CRNKL1: variants seen among roughly 807,000 people sequenced by gnomAD.
CRNKL1 encodes the protein crooked neck-like protein 1.
CRNKL1 carries 35 observed loss-of-function variants against 103.7 expected under a neutral mutation model. That is an observed-to-expected ratio of 0.34 (90% CI 0.26 to 0.45). CRNKL1 has a LOEUF of 0.45. Ranked by LOEUF, CRNKL1 falls within the 20% of genes least tolerant of loss-of-function variation. CRNKL1 has a pLI of 1.00. For synonymous variants in CRNKL1, 267 were observed against 282.6 expected (o/e 0.94, Z 0.55); for missense variants, 645 against 836.0 (o/e 0.77, Z 2.82).
chr20:20,043,637 T>C lies in CRNKL1; in HGVS notation c.827A>G (p.Lys276Arg), dbSNP rs771014347. The change falls in exon 7 of 14, where the codon AAG becomes AGG. Residue 276 changes from lysine to arginine, a missense_variant. Lys to Arg is a conservative substitution (Grantham distance 26). Transcript: ENST00000536226. The stretch of plus-strand genomic sequence containing the variant: ...TTTTGAAATTCTGTCCAGGGCATAC[T>C]TGTAAATCACTCGTACCCTTTCAAA... ...KEFERVRVIY[K>R]YALDRISKQD... 2 of 1,614,010 alleles carry C rather than the reference T, an allele frequency of 1.2e-6. No homozygotes were observed. The highest frequency in any genetic ancestry group is 1.1e-5 in the South Asian group (1 of 91,070).
At chr20:20,046,142 G>A (rs2043591426) in intron 5 of CRNKL1, among the ~76,000 whole-genome samples, 1 of 152,058 alleles carries the variant, frequency 6.6e-6, no homozygotes, top group Non-Finnish European at 1.5e-5. Context: ...TGGCAAAGAA[G>A]AGCATCAGTT....
upstream of CRNKL1, chr20:20,052,816 GGC>G: frequency 7.9e-7 from 1 of 1,272,884 alleles, no homozygotes; most frequent in South Asian, 1.5e-5. Flanking sequence ...CATGCGACGG[GGC>G]GAGCTGCCGC....
chr20:20,043,792 G>T, intron 6 of CRNKL1, 130 bp from the exon 7 acceptor site: 1 of 793,694 alleles, frequency 1.3e-6, no homozygotes. Flanking sequence ...AGAGTAAGAT[G>T]CTTTTCTCCC....
chr20:20,045,113 T>C (rs919173240), intron 6 of CRNKL1, among the ~76,000 whole-genome samples, 195 bp downstream of exon 6: 2 of 152,304 alleles, frequency 1.3e-5, no homozygotes, highest in Admixed American at 6.5e-5. Context: ...ACAGTTATAA[T>C]ACAATCTATA....
At position 20,046,508 on chromosome 20, in the gene CRNKL1, T is replaced by C. The variant is rs112334954; in HGVS notation, c.623-1022A>G. ...TGGTAGTTATGTTCTATTTAGTCAA[T>C]GCGAACACTTAATTATTGAGTACTG... On this transcript the variant is annotated intron_variant, in intron 5 of 13. Coordinates refer to ENST00000536226, the MANE Select transcript of CRNKL1 (RefSeq NM_001278628.2). Among the ~76,000 whole-genome samples, 101 of 152,354 alleles carry C rather than the reference T, an allele frequency of 6.6e-4. 1 individual carries two copies. The highest frequency in any genetic ancestry group is 2.4e-3 in the African/African-American group (100 of 41,578).
upstream of CRNKL1, chr20:20,052,630 T>TGCGGTGCAG: frequency 6.2e-7 from 1 of 1,613,626 alleles, no homozygotes; most frequent in Non-Finnish European, 8.5e-7. Context: ...ACGCAAGGAC[T>TGCGGTGCAG]GCGGTGCAGG....
intron 11 of CRNKL1, among the ~76,000 whole-genome samples, chr20:20,038,825 C>T (rs908875257): frequency 1.3e-5 from 2 of 152,194 alleles, no homozygotes; most frequent in African/African-American, 4.8e-5. Flanking sequence ...CATGTTCTTA[C>T]CTCTACTGTA....
rs760714216 is a variant in CRNKL1 at position 20,050,592 on chromosome 20, T to C, written c.82A>G (p.Ile28Val). 1.9e-6 allele frequency: 3 copies of C among 1,612,280 alleles called. No homozygotes were observed. The highest frequency in any genetic ancestry group is 2.2e-5 in the East Asian group (1 of 44,848). ...VKNKAPAEVQ[I>V]TAEQLLREAK... ...TCTCTTAAGAGTTGTTCAGCAGTTA[T>C]CTGTACCTCAGCCGGGGCTTTGTTT... Residue 28 changes from isoleucine to valine, a missense_variant, in exon 2 of 14, where the codon ATA (isoleucine) becomes GTA (valine). Physicochemically the swap from Ile to Val is conservative, Grantham distance 29. Transcript: ENST00000536226.
At position 20,035,171 on chromosome 20, in the gene CRNKL1, T is replaced by G. The variant is rs565376063; in HGVS notation, c.*1024A>C. The G allele has an allele frequency of 6.6e-6, 1 of 152,284 alleles. No individual in the cohort carries two copies. Among genetic ancestry groups the G allele is most frequent in the East Asian group, 1.9e-4 (1 of 5,186 alleles). The allele number at this position is 152,284 out of a possible 1,614,324, so 9.4% of individuals were successfully genotyped here. A position where few individuals can be genotyped will look rare whatever the true frequency, so the allele number is the denominator to read the frequency against. ...AGTTTAACATGTCAGCAGTGAGGAGTAGACATTTTCTACTATAGCACACTG... is the reference window on the plus strand; with the variant it reads ...AGTTTAACATGTCAGCAGTGAGGAGGAGACATTTTCTACTATAGCACACTG... On this transcript the variant is annotated 3_prime_UTR_variant, in exon 14 of 14. Coordinates refer to ENST00000536226, the MANE Select transcript of CRNKL1 (RefSeq NM_001278628.2).
chr20:20,051,854 C>A (rs1014815169), intron 1 of CRNKL1, among the ~76,000 whole-genome samples: 4 of 152,194 alleles, frequency 2.6e-5, no homozygotes, highest in African/African-American at 9.7e-5. Flanking sequence ...GCTTAAAGGT[C>A]ATTTCCTCAG....
At position 20,052,433 on chromosome 20, in the gene CRNKL1, A is replaced by C. The variant is rs778019592; in HGVS notation, c.-91T>G. 6.2e-7 allele frequency: 1 copy of C among 1,614,230 alleles called. No homozygotes were observed. The highest frequency in any genetic ancestry group is 8.5e-7 in the Non-Finnish European group (1 of 1,180,040). On this transcript the variant is annotated 5_prime_UTR_variant, in exon 1 of 14. Transcript: ENST00000536226. ...TCACCGAAACCACAAAGCTTTCAGA[A>C]AACAAACAGGATCTCGGAACCGGAA...
upstream of CRNKL1, chr20:20,056,044 A>G: frequency 6.5e-7 from 1 of 1,534,598 alleles, no homozygotes; most frequent in Non-Finnish European, 9.0e-7. Flanking sequence ...GAGTGTCGGA[A>G]AGGCTGGGTT....
At position 20,041,602 on chromosome 20, in the gene CRNKL1, C is replaced by T. The variant is rs772174120; in HGVS notation, c.1188G>A (p.Val396=). ...EAKDPERTRQ[V]YQASLELIPH... ...GAATTAGTTCCAAAGAGGCTTGATA[C>T]ACCTGTCTTGTCCTCTCAGGATCCT... The change falls in exon 9 of 14, where the codon GTG becomes GTA. Residue 396 remains valine, a synonymous_variant. Transcript: ENST00000536226. The T allele has an allele frequency of 1.9e-6, 3 of 1,613,454 alleles. No homozygotes were observed. Among genetic ancestry groups the T allele is most frequent in the Admixed American group, 1.7e-5 (1 of 60,006 alleles).
chr20:20,045,890 T>C (rs2043586298), intron 5 of CRNKL1, among the ~76,000 whole-genome samples: 2 of 152,178 alleles, frequency 1.3e-5, no homozygotes, highest in African/African-American at 2.4e-5. Context: ...AAAATGTATG[T>C]AAAGCCCTTA....
rs780089925 is a variant in CRNKL1 at position 20,034,761 on chromosome 20, T to TCAA, written c.*1431_*1433dup. On this transcript the variant is annotated 3_prime_UTR_variant, in exon 14 of 14. Coordinates refer to ENST00000536226, the MANE Select transcript of CRNKL1 (RefSeq NM_001278628.2). ...AGTCAGGCTGAAAACAGATTTTATC[T>TCAA]CAACAACAGTCCTAGTTTCTTCTGT... 4.6e-5 allele frequency: 7 copies of TCAA among 152,242 alleles called. No individual in the cohort carries two copies. Among genetic ancestry groups the TCAA allele is most frequent in the East Asian group, 1.9e-4 (1 of 5,196 alleles). 9.4% of individuals were successfully genotyped at this position (152,242 alleles called of 1,614,324 possible).
At chr20:20,043,000 T>G (rs927495911) in intron 7 of CRNKL1, among the ~76,000 whole-genome samples, 1 of 152,106 alleles carries the variant, frequency 6.6e-6, no homozygotes, top group Non-Finnish European at 1.5e-5. Flanking sequence ...TAAGGAAGAG[T>G]ATTTTTAAAT....
intron 6 of CRNKL1, among the ~76,000 whole-genome samples, chr20:20,044,058 C>T (rs768101598): frequency 1.3e-5 from 2 of 152,088 alleles, no homozygotes; most frequent in African/African-American, 2.4e-5. Context: ...TTTCCTCATA[C>T]TCCATATTCA....
intron 2 of CRNKL1, among the ~76,000 whole-genome samples, chr20:20,050,226 T>C (rs2073123): frequency 0.48 from 72,352 of 152,124 alleles, 17,609 homozygotes; most frequent in East Asian, 0.72. Context: ...AAACTTCCGC[T>C]CACTTTGATT....
In CRNKL1 at chr20:20,043,552, C is replaced by T. The variant is rs150967145; in HGVS notation, c.912G>A (p.Arg304=). ...TCACAATGATATCTTCAATACCCCG[C>T]CTATCACCAAACTTCTTCTCAAAGA... ...YTIFEKKFGD[R]RGIEDIIVSK... Residue 304 remains arginine (R), a synonymous_variant, in exon 7 of 14, where the codon AGG becomes AGA. Coordinates refer to ENST00000536226, the MANE Select transcript of CRNKL1 (RefSeq NM_001278628.2). The T allele has an allele frequency of 8.7e-6, 14 of 1,614,066 alleles. No homozygotes were observed. The highest frequency in any genetic ancestry group is 1.2e-5 in the Non-Finnish European group (14 of 1,179,990).
Sources: allele counts gnomAD v4.1 joint callset (sites outside exome capture counted in the v4.1 genomes callset), GRCh38; gene constraint gnomAD v4.1.1; transcripts MANE v1.5; gene names NCBI Gene and HGNC (gene_info 2026-07-23, HGNC 2026-07-21).